Variants in SLC35F3 observed in about 807,000 individuals in gnomAD.
SLC35F3 encodes solute carrier family 35 member F3.
SLC35F3 carries 25 observed loss-of-function variants against 49.9 expected under a neutral mutation model. The observed-to-expected ratio is 0.50, with a 90% confidence interval of 0.37 to 0.70. The LOEUF (loss-of-function observed/expected upper bound fraction) is 0.70. Among genes scored for constraint, SLC35F3 ranks in the 30% least tolerant of loss-of-function variants. SLC35F3 has a pLI of 0.00. For synonymous variants in SLC35F3, 275 were observed against 265.4 expected (o/e 1.04, Z -0.35); for missense variants, 525 against 639.8 (o/e 0.82, Z 1.94).
chr1:234,224,958 C>G (rs1033049643), intron 2 of SLC35F3, among the ~76,000 whole-genome samples: 4 of 152,226 alleles, frequency 2.6e-5, no homozygotes, highest in Admixed American at 1.3e-4. Context: ...CTTCAATTAT[C>G]TATAGATTAT....
intron 2 of SLC35F3, among the ~76,000 whole-genome samples, chr1:233,932,679 C>G (rs1235503179): frequency 6.6e-6 from 1 of 152,184 alleles, no homozygotes. Context: ...AAGGGAGCCA[C>G]TCCACATACA....
intron 2 of SLC35F3, among the ~76,000 whole-genome samples, chr1:234,060,379 C>G (rs2102862357): frequency 6.6e-6 from 1 of 152,258 alleles, no homozygotes; most frequent in South Asian, 2.1e-4. Context: ...TTTCTTCTGT[C>G]ATTTCTATCA....
intron 2 of SLC35F3, among the ~76,000 whole-genome samples, chr1:234,175,472 A>C (rs555697264): frequency 3.6e-4 from 55 of 152,282 alleles, no homozygotes; most frequent in African/African-American, 1.3e-3. Context: ...ATGTATTGGA[A>C]GAAATAGCAA....
At chr1:234,226,961 G>GCACACACACA (rs57809897) in intron 2 of SLC35F3, among the ~76,000 whole-genome samples, 13,142 of 148,602 alleles carry the variant, frequency 0.088, 737 homozygotes, top group African/African-American at 0.17. Context: ...GCGCACGCGT[G>GCACACACACA]CACACACACA....
rs534854454 is a variant in SLC35F3 at position 234,082,732 on chromosome 1, G to A, written c.284-148685G>A. Among the ~76,000 whole-genome samples the A allele has an allele frequency of 9.2e-5, 14 of 152,300 alleles. No individual in the cohort carries two copies. The South Asian group carries it at 2.1e-3, about 23-fold the overall frequency. On this transcript the variant is annotated intron_variant, in intron 2 of 7. Transcript: ENST00000366618. ...AGGCCTCACAATCATGGCAGCAGGC[G>A]AGAGAGAAAATTGGAGCCAAGCGAA...
intron 2 of SLC35F3, among the ~76,000 whole-genome samples, chr1:234,020,549 A>G (rs1663876247): frequency 6.6e-6 from 1 of 152,014 alleles, no homozygotes; most frequent in South Asian, 2.1e-4. Context: ...TAGATACTAA[A>G]CTGGCAGTGG....
intron 2 of SLC35F3, among the ~76,000 whole-genome samples, chr1:234,051,170 G>T (rs1017814906): frequency 6.6e-6 from 1 of 152,066 alleles, no homozygotes; most frequent in African/African-American, 2.4e-5. Context: ...TTCCAATTCT[G>T]TGAAGAAAGT....
Position 234,128,446 on chromosome 1 carries a change from T to A in SLC35F3, c.284-102971T>A, listed in dbSNP as rs556474645. ...TCTGGGTTAGAAGGTGCTGGCCAGT[T>A]GCATGCCTGCTCTGAAAGTTAGCAT... On this transcript the variant is annotated intron_variant, in intron 2 of 7. Transcript: ENST00000366618. 1.4e-4 allele frequency among the ~76,000 whole-genome samples: 21 copies of A among 152,264 alleles called. No individual in the cohort carries two copies. The South Asian group carries it at 2.3e-3, about 17-fold the overall frequency.
At chr1:234,038,956 A>C (rs1428968709) in intron 2 of SLC35F3, among the ~76,000 whole-genome samples, 1 of 152,244 alleles carries the variant, frequency 6.6e-6, no homozygotes, top group African/African-American at 2.4e-5. Flanking sequence ...AGATTAAAGA[A>C]GGAGCAAGCT....
At chr1:234,053,593 C>T (rs1301843531) in intron 2 of SLC35F3, among the ~76,000 whole-genome samples, 1 of 152,144 alleles carries the variant, frequency 6.6e-6, no homozygotes, top group East Asian at 1.9e-4. Context: ...CACTCTTTAT[C>T]CAGTTTGCCA....
intron 2 of SLC35F3, among the ~76,000 whole-genome samples, chr1:234,082,119 T>C (rs1664886989): frequency 6.6e-6 from 1 of 151,896 alleles, no homozygotes; most frequent in Non-Finnish European, 1.5e-5. Context: ...AGGGACTGAA[T>C]TTTATATTAA....
intron 2 of SLC35F3, among the ~76,000 whole-genome samples, chr1:234,216,830 A>G (rs766655697): frequency 6.6e-6 from 1 of 152,158 alleles, no homozygotes; most frequent in Non-Finnish European, 1.5e-5. Flanking sequence ...GTAGCTGAAA[A>G]TGCCTGGCAA....
intron 3 of SLC35F3, among the ~76,000 whole-genome samples, chr1:234,252,585 G>A (rs891040005): frequency 6.6e-6 from 1 of 152,132 alleles, no homozygotes; most frequent in Admixed American, 6.5e-5. Context: ...TACTGCATAG[G>A]AAAGGACATT....
chr1:234,298,883 C>T (rs1668647500), intron 3 of SLC35F3, among the ~76,000 whole-genome samples: 1 of 152,168 alleles, frequency 6.6e-6, no homozygotes, highest in South Asian at 2.1e-4. Context: ...GCAACCAATA[C>T]AGCCAGGATT....
At chr1:234,288,489 G>GA (rs1205341157) in intron 3 of SLC35F3, among the ~76,000 whole-genome samples, 1 of 152,208 alleles carries the variant, frequency 6.6e-6, no homozygotes, top group Non-Finnish European at 1.5e-5. Flanking sequence ...TAAAAAATAT[G>GA]AAGGATGTTT....
intron 2 of SLC35F3, among the ~76,000 whole-genome samples, chr1:233,932,744 C>T (rs975825696): frequency 2.8e-4 from 43 of 152,266 alleles, no homozygotes; most frequent in African/African-American, 1.0e-3. Context: ...CACCTAGGAC[C>T]TATGGAAATC....
At chr1:234,089,622 G>A (rs149061464) in intron 2 of SLC35F3, among the ~76,000 whole-genome samples, 3 of 152,206 alleles carry the variant, frequency 2.0e-5, no homozygotes, top group Non-Finnish European at 4.4e-5. Context: ...GGGAGGTCAG[G>A]TGTACCCCGG....
At chr1:234,059,850 G>C (rs908035852) in intron 2 of SLC35F3, among the ~76,000 whole-genome samples, 1 of 152,182 alleles carries the variant, frequency 6.6e-6, no homozygotes, top group Non-Finnish European at 1.5e-5. Flanking sequence ...AAAGATGTAG[G>C]CTGGGAGGCT....
intron 2 of SLC35F3, among the ~76,000 whole-genome samples, chr1:234,115,941 C>A (rs1199238717): frequency 6.6e-6 from 1 of 151,650 alleles, no homozygotes; most frequent in Non-Finnish European, 1.5e-5. Context: ...GGTCTGGGAA[C>A]GTCAATAATT....
Sources: allele counts gnomAD v4.1 joint callset (sites outside exome capture counted in the v4.1 genomes callset), GRCh38; gene constraint gnomAD v4.1.1; transcripts MANE v1.5; gene names NCBI Gene and HGNC (gene_info 2026-07-23, HGNC 2026-07-21).